Variants in VWA2 observed in about 807,000 individuals in gnomAD.
VWA2 encodes the protein von Willebrand factor A domain-containing protein 2.
In VWA2, 73 loss-of-function variants were observed where a neutral mutation model predicts 70.4. That is an observed-to-expected ratio of 1.04 (90% CI 0.86 to 1.26). The LOEUF (loss-of-function observed/expected upper bound fraction) is 1.26, where lower values mean the gene tolerates loss of function less well. Ranked by LOEUF, VWA2 falls within the 50% of genes most tolerant of loss-of-function variation. The probability of loss-of-function intolerance (pLI) is 0.00; values close to 1 mark genes in which losing one functional copy is unlikely to be tolerated. For synonymous variants in VWA2, 407 were observed against 423.3 expected (o/e 0.96, Z 0.47); for missense variants, 1,011 against 998.5 (o/e 1.01, Z -0.17).
In VWA2 at chr10:114,253,723, A is replaced by G. The variant is rs375433452; in HGVS notation, c.125A>G (p.Lys42Arg). The change falls in exon 3 of 14, where the codon AAA becomes AGA. Residue 42 changes from lysine (K) to arginine (R), a missense_variant and splice_region_variant. By Grantham distance (26) the Lys-to-Arg change is conservative. Transcript: ENST00000392982. ...ATCGGGAAGATTTCAGCTGCCAGCAAAAGTAAGCCCAGGTTCTTCTTAACC... is the reference window on the plus strand; with the variant it reads ...ATCGGGAAGATTTCAGCTGCCAGCAGAAGTAAGCCCAGGTTCTTCTTAACC... ...ETIGKISAAS[K>R]MMWCSAAVDI... 1 of 1,612,130 alleles carries G rather than the reference A, an allele frequency of 6.2e-7. No homozygotes were observed. The highest frequency in any genetic ancestry group is 1.3e-5 in the African/African-American group (1 of 74,878).
chr10:114,289,632 C>A, intron 12 of VWA2, 143 bp downstream of exon 12: 1 of 884,070 alleles, frequency 1.1e-6, no homozygotes, highest in African/African-American at 1.7e-5. Flanking sequence ...TGCTAAACCC[C>A]ATGCTCACAT....
chr10:114,242,486 T>C (rs1322768054), intron 1 of VWA2, among the ~76,000 whole-genome samples: 1 of 152,154 alleles, frequency 6.6e-6, no homozygotes, highest in Non-Finnish European at 1.5e-5. Context: ...TGCCTCTGCA[T>C]ACCGCAGTGC....
Position 114,261,263 on chromosome 10 carries a change from A to G in VWA2, c.339A>G (p.Glu113=). Residue 113 remains glutamate (E), a synonymous_variant, in exon 5 of 14, where the codon GAA becomes GAG. Coordinates refer to ENST00000392982, the MANE Select transcript of VWA2 (RefSeq NM_001272046.2). ...FPLDSFSTQQ[E]VKARIKRMVF... ...TGGATTCATTTTCAACCCAACAGGAAGTGAAGGCAAGAATCAAGAGGATGG... is the reference window on the plus strand; with the variant it reads ...TGGATTCATTTTCAACCCAACAGGAGGTGAAGGCAAGAATCAAGAGGATGG... 1 of 1,614,186 alleles carries G rather than the reference A, an allele frequency of 6.2e-7. No homozygotes were observed. Among genetic ancestry groups the G allele is most frequent in the Non-Finnish European group, 8.5e-7 (1 of 1,180,018 alleles).
intron 1 of VWA2, among the ~76,000 whole-genome samples, chr10:114,240,900 C>T (rs2036964281): frequency 6.6e-6 from 1 of 152,202 alleles, no homozygotes; most frequent in South Asian, 2.1e-4. Context: ...TTGCTTTCCT[C>T]ATCATCTCTG....
At chr10:114,263,328 A>ATTTTTTTTT (rs35723083) in intron 5 of VWA2, among the ~76,000 whole-genome samples, 6 of 76,144 alleles carry the variant, frequency 7.9e-5, no homozygotes, top group South Asian at 4.5e-4. Flanking sequence ...AATCTCCCCC[A>ATTTTTTTTT]TTTTTTTTTT....
Position 114,239,504 on chromosome 10 carries a change from G to A in VWA2, c.-76G>A, listed in dbSNP as rs1458464057. The stretch of plus-strand genomic sequence containing the variant: ...GTGATCCCGTAGCGCCCCCTGGCCC[G>A]AGCCGCGCCCGGGTCTGTGAGTAGA... On this transcript the variant is annotated 5_prime_UTR_variant, in exon 1 of 14. Transcript: ENST00000392982. The A allele has an allele frequency of 2.0e-5, 3 of 152,274 alleles. No homozygotes were observed. The highest frequency in any genetic ancestry group is 2.9e-5 in the Non-Finnish European group (2 of 68,158). 9.4% of individuals were successfully genotyped at this position (152,274 alleles called of 1,614,324 possible). A position where few individuals can be genotyped will look rare whatever the true frequency, so the allele number is the denominator to read the frequency against.
In VWA2 at chr10:114,286,044, G is replaced by C. The variant is rs751121019; in HGVS notation, c.1103G>C (p.Arg368Pro). 1.2e-6 allele frequency: 2 copies of C among 1,614,064 alleles called. No individual in the cohort carries two copies. The highest frequency in any genetic ancestry group is 1.3e-5 in the African/African-American group (1 of 74,954). Reference protein sequence around the residue: ...GFLRAKVFVKRFVRAVLSEDS... With the variant: ...GFLRAKVFVKPFVRAVLSEDS... Reference sequence around the variant, plus strand: ...CTGCGGGCCAAAGTCTTCGTGAAGCGGTTTGTGCGGGCCGTGCTGAGCGAG... The same window carrying C: ...CTGCGGGCCAAAGTCTTCGTGAAGCCGTTTGTGCGGGCCGTGCTGAGCGAG... Residue 368 changes from arginine to proline, a missense_variant, in exon 11 of 14, where the codon CGG (arginine) becomes CCG (proline). Arg to Pro is a moderately radical substitution (Grantham distance 103, BLOSUM62 -2). Coordinates refer to ENST00000392982, the MANE Select transcript of VWA2 (RefSeq NM_001272046.2).
chr10:114,257,342 C>A (rs1202424159), intron 4 of VWA2, among the ~76,000 whole-genome samples: 4 of 152,184 alleles, frequency 2.6e-5, no homozygotes, highest in Non-Finnish European at 4.4e-5. Context: ...ATTAGTTACT[C>A]ATGGAGGAAT....
intron 4 of VWA2, among the ~76,000 whole-genome samples, chr10:114,259,347 T>G (rs1031400115): frequency 6.6e-6 from 1 of 152,194 alleles, no homozygotes; most frequent in Non-Finnish European, 1.5e-5. Flanking sequence ...GTCTTTTATA[T>G]GTTGATTCCC....
chr10:114,251,769 C>T (rs1227461740), intron 2 of VWA2, among the ~76,000 whole-genome samples: 1 of 150,782 alleles, frequency 6.6e-6, no homozygotes, highest in Non-Finnish European at 1.5e-5. Context: ...GCAGTGGGCC[C>T]AGGAGTTGGC....
chr10:114,263,962 A>G (rs1328755165), intron 5 of VWA2, among the ~76,000 whole-genome samples: 1 of 152,240 alleles, frequency 6.6e-6, no homozygotes, highest in African/African-American at 2.4e-5. Context: ...TTAGTGAGCT[A>G]CCATGTCATA....
Position 114,286,151 on chromosome 10 carries a change from C to G in VWA2, c.1210C>G (p.Pro404Ala). The change falls in exon 11 of 14, where the codon CCT becomes GCT. Residue 404 changes from proline to alanine, a missense_variant. Pro to Ala is a conservative substitution (Grantham distance 27). Transcript: ENST00000392982. ...AVPVGEYQDV[P>A]DLVWSLDGIP... ...GCCTGTGGGGGAGTACCAGGATGTG[C>G]CTGACCTGGTCTGGAGCCTCGATGG... 1 of 1,614,100 alleles carries G rather than the reference C, an allele frequency of 6.2e-7. No homozygotes were observed. Among genetic ancestry groups the G allele is most frequent in the Non-Finnish European group, 8.5e-7 (1 of 1,180,028 alleles).
chr10:114,289,741 T>C, intron 12 of VWA2: 2 of 549,686 alleles, frequency 3.6e-6, no homozygotes, highest in East Asian at 6.3e-5. Context: ...ATTTATGCAT[T>C]CCCTTTAAAC....
At chr10:114,251,324 A>T (rs2037191829) in intron 2 of VWA2, among the ~76,000 whole-genome samples, 1 of 152,128 alleles carries the variant, frequency 6.6e-6, no homozygotes, top group Admixed American at 6.6e-5. Flanking sequence ...AGCATTGGGG[A>T]TGTCACCCAG....
rs944474716 is a variant in VWA2, at chr10:114,293,478, T to C, written c.*2241T>C. On this transcript the variant is annotated 3_prime_UTR_variant, in exon 14 of 14. Transcript: ENST00000392982. ...CTTTGTAGGAAATGGGTTTCTCGCCTTTGAAACATTTTTTCCCCTTTTGTA... is the reference window on the plus strand; with the variant it reads ...CTTTGTAGGAAATGGGTTTCTCGCCCTTGAAACATTTTTTCCCCTTTTGTA... Among the ~76,000 whole-genome samples the C allele has an allele frequency of 1.3e-5, 2 of 152,328 alleles. No homozygotes were observed. The highest frequency in any genetic ancestry group is 2.1e-4 in the South Asian group (1 of 4,820).
rs2039766090 is a variant in VWA2 at position 114,293,257 on chromosome 10, G to T, written c.*2020G>T. On this transcript the variant is annotated 3_prime_UTR_variant, in exon 14 of 14. Transcript: ENST00000392982. The stretch of plus-strand genomic sequence containing the variant: ...GACAACGTCCGGGGCAGGATCACAT[G>T]CTCCCTAGCAGATGCTGATCAGTGA... Among the ~76,000 whole-genome samples, 1 of 152,194 alleles carries T rather than the reference G, an allele frequency of 6.6e-6. No individual in the cohort carries two copies. Among genetic ancestry groups the T allele is most frequent in the African/African-American group, 2.4e-5 (1 of 41,446 alleles).
At chr10:114,248,645 C>A in intron 1 of VWA2, 59 bp from the exon 2 acceptor site, 2 of 1,464,630 alleles carry the variant, frequency 1.4e-6, no homozygotes, top group Non-Finnish European at 1.9e-6. Flanking sequence ...GGCGGTGTGA[C>A]TTGGGGCGTT....
Position 114,286,131 on chromosome 10 carries a change from T to TGGGG in VWA2, c.1192_1195dup (p.Glu399GlyfsTer8). 1 of 1,613,990 alleles carries TGGGG rather than the reference T, an allele frequency of 6.2e-7. No homozygotes were observed. Among genetic ancestry groups the TGGGG allele is most frequent in the South Asian group, 1.1e-5 (1 of 91,076 alleles). The stretch of plus-strand genomic sequence containing the variant: ...AGGGAGCTGCTGGTGGCGGTGCCTG[T>TGGGG]GGGGGAGTACCAGGATGTGCCTGAC... On this transcript the variant is annotated frameshift_variant, in exon 11 of 14. Transcript: ENST00000392982. LOFTEE classifies it high-confidence loss of function.
At chr10:114,282,400 T>C in intron 8 of VWA2, 116 bp from the exon 9 acceptor site, 1 of 819,860 alleles carries the variant, frequency 1.2e-6, no homozygotes, top group South Asian at 1.5e-5. Context: ...CAGGAAGTCT[T>C]TCTTACTTCT....
Sources: gnomAD v4.1 joint callset for allele counts (sites outside exome capture counted in the v4.1 genomes callset) on GRCh38, gnomAD v4.1.1 for gene constraint, MANE v1.5 for transcripts, NCBI Gene and HGNC (gene_info 2026-07-23, HGNC 2026-07-21) for gene names.